DSCAM: variants seen among roughly 807,000 people sequenced by gnomAD.
The protein encoded by DSCAM is DS cell adhesion molecule, also known as cell adhesion molecule DSCAM.
In DSCAM, 47 loss-of-function variants were observed where a neutral mutation model predicts 217.7. The observed-to-expected ratio is 0.22, with a 90% CI of 0.17 to 0.28. The LOEUF (loss-of-function observed/expected upper bound fraction) is 0.28, where lower values mean the gene tolerates loss of function less well. Ranked by LOEUF, DSCAM falls within the 10% of genes least tolerant of loss-of-function variation. The pLI is 1.00. For synonymous variants in DSCAM, 1,056 were observed against 1,015.3 expected, an observed-to-expected ratio of 1.04 and a Z score of -0.76; for missense variants, 2,080 against 2,618.3, an observed-to-expected ratio of 0.79 and a Z score of 4.49.
At chr21:40,633,935 T>C (rs1006351198) in intron 3 of DSCAM, among the ~76,000 whole-genome samples, 11 of 152,160 alleles carry the variant, frequency 7.2e-5, no homozygotes, top group African/African-American at 2.7e-4. Flanking sequence ...TCCCATGTTG[T>C]TGCTGTATAA....
intron 21 of DSCAM, 112 bp downstream of exon 21, chr21:40,093,609 T>C: frequency 7.9e-7 from 1 of 1,273,140 alleles, no homozygotes. Context: ...TAAAATGTGA[T>C]ATTCTGGTTT....
chr21:40,805,135 C>A (rs1348473908), intron 1 of DSCAM, among the ~76,000 whole-genome samples: 1 of 152,228 alleles, frequency 6.6e-6, no homozygotes, highest in East Asian at 1.9e-4. Flanking sequence ...ATCCACCCTC[C>A]AGTCTGCTAC....
chr21:40,475,825 T>C, intron 3 of DSCAM, among the ~76,000 whole-genome samples: 1 of 149,670 alleles, frequency 6.7e-6, no homozygotes, highest in East Asian at 1.9e-4. Flanking sequence ...AGTAAGACTC[T>C]GTCTTAAATA....
chr21:40,206,190 G>T (rs946159853), intron 11 of DSCAM, among the ~76,000 whole-genome samples: 2 of 152,324 alleles, frequency 1.3e-5, no homozygotes, highest in African/African-American at 4.8e-5. Flanking sequence ...GAGTCTGTGT[G>T]TGCCTGTGTG....
At chr21:40,230,939 G>C (rs8131056) in intron 11 of DSCAM, among the ~76,000 whole-genome samples, 73,250 of 151,408 alleles carry the variant, frequency 0.48, 18,303 homozygotes, top group African/African-American at 0.62. Context: ...ACCCCCACCC[G>C]GCATCCCTGC....
intron 3 of DSCAM, among the ~76,000 whole-genome samples, chr21:40,584,574 A>G (rs2076929933): frequency 6.6e-6 from 1 of 152,142 alleles, no homozygotes; most frequent in African/African-American, 2.4e-5. Flanking sequence ...ATTCATCAAC[A>G]TCACTGTTCT....
chr21:40,153,425 A>G (rs2090445035), intron 16 of DSCAM, among the ~76,000 whole-genome samples: 1 of 152,214 alleles, frequency 6.6e-6, no homozygotes, highest in Non-Finnish European at 1.5e-5. Context: ...GGAGGGTACA[A>G]TGCTGTCGCC....
intron 1 of DSCAM, among the ~76,000 whole-genome samples, chr21:40,824,670 C>T (rs1030892352): frequency 2.0e-5 from 3 of 152,012 alleles, no homozygotes; most frequent in Non-Finnish European, 4.4e-5. Context: ...CTGCCTTGGC[C>T]CCGTCAAAGT....
chr21:40,781,770 C>T (rs188244235), intron 1 of DSCAM, among the ~76,000 whole-genome samples: 103 of 152,216 alleles, frequency 6.8e-4, no homozygotes, highest in African/African-American at 2.3e-3. Context: ...CTATGTCCTA[C>T]TTACATTCTG....
Position 40,055,795 on chromosome 21 carries a change from G to A in DSCAM, c.4965C>T (p.Thr1655=), listed in dbSNP as rs774689701. The A allele has an allele frequency of 1.2e-6, 2 of 1,613,712 alleles. No individual in the cohort carries two copies. Among genetic ancestry groups the A allele is most frequent in the Admixed American group, 1.7e-5 (1 of 60,012 alleles). The part of the protein sequence containing the change: ...TSDTLSKQQQ[T]LRMHIDIPRA... ...TGGGTATGTCGATGTGCATTCGCAGGGTCTGCTGTTGCTTGCTTAACGTAT... is the reference window on the plus strand; with the variant it reads ...TGGGTATGTCGATGTGCATTCGCAGAGTCTGCTGTTGCTTGCTTAACGTAT... Residue 1655 remains threonine, a synonymous_variant, in exon 29 of 33, where the codon ACC becomes ACT. Transcript: ENST00000400454.
rs562901078 is a variant in DSCAM at position 40,025,778 on chromosome 21, C to A, written c.5687-12392G>T. Among the ~76,000 whole-genome samples, 469 of 150,828 alleles carry A rather than the reference C, an allele frequency of 3.1e-3. 5 individuals carry two copies. The highest frequency in any genetic ancestry group is 0.01 in the Middle Eastern group (3 of 294). Reference sequence around the variant, plus strand: ...CTTCTCTCTTTTTCTCTTTATTAGTCTTGCTAGCAGTCTATCTATTTTGTT... The same window carrying A: ...CTTCTCTCTTTTTCTCTTTATTAGTATTGCTAGCAGTCTATCTATTTTGTT... On this transcript the variant is annotated intron_variant, in intron 32 of 32. Transcript: ENST00000400454.
At chr21:40,141,500 T>C (rs553880806) in intron 18 of DSCAM, among the ~76,000 whole-genome samples, 73 of 152,184 alleles carry the variant, frequency 4.8e-4, no homozygotes, top group African/African-American at 1.7e-3. Flanking sequence ...CCTGCAATCC[T>C]AGCTACTTGG....
intron 32 of DSCAM, among the ~76,000 whole-genome samples, chr21:40,024,556 T>C (rs2088337871): frequency 1.4e-5 from 1 of 71,216 alleles, no homozygotes; most frequent in South Asian, 5.6e-4. Flanking sequence ...TGAGCAGTGG[T>C]TTGTAGTTCT....
chr21:40,616,479 A>C (rs1468802869), intron 3 of DSCAM, among the ~76,000 whole-genome samples: 1 of 152,118 alleles, frequency 6.6e-6, no homozygotes, highest in Non-Finnish European at 1.5e-5. Flanking sequence ...AGCCTCTGAG[A>C]CCCAAGCTGC....
chr21:40,832,079 T>C (rs1022595128), intron 1 of DSCAM, among the ~76,000 whole-genome samples: 5 of 152,208 alleles, frequency 3.3e-5, no homozygotes, highest in African/African-American at 1.2e-4. Context: ...TTCCAAACCC[T>C]GGTTTTGCAA....
chr21:40,095,630 G>T (rs1172942862), intron 20 of DSCAM, among the ~76,000 whole-genome samples: 1 of 152,080 alleles, frequency 6.6e-6, no homozygotes, highest in Non-Finnish European at 1.5e-5. Context: ...AGTGGTAAGG[G>T]TTGCATAACT....
chr21:40,591,063 T>C (rs2076980709), intron 3 of DSCAM, among the ~76,000 whole-genome samples: 1 of 152,136 alleles, frequency 6.6e-6, no homozygotes. Flanking sequence ...AGTTGCCCCA[T>C]GCTGTTCTCG....
intron 1 of DSCAM, among the ~76,000 whole-genome samples, chr21:40,823,055 C>T (rs1023051111): frequency 4.6e-5 from 7 of 152,014 alleles, no homozygotes; most frequent in Non-Finnish European, 8.8e-5. Flanking sequence ...GAGGCTGAGA[C>T]AGGAGAATTG....
At chr21:40,080,628 A>G (rs529993170) in intron 24 of DSCAM, among the ~76,000 whole-genome samples, 2 of 152,306 alleles carry the variant, frequency 1.3e-5, no homozygotes, top group African/African-American at 4.8e-5. Flanking sequence ...AGCAGGGAAT[A>G]CTTAAGTTGC....
Sources: gnomAD v4.1 joint callset for allele counts (sites outside exome capture counted in the v4.1 genomes callset) on GRCh38, gnomAD v4.1.1 for gene constraint, MANE v1.5 for transcripts, NCBI Gene and HGNC (gene_info 2026-07-23, HGNC 2026-07-21) for gene names.